ZSWIM4: variants seen among roughly 807,000 people sequenced by gnomAD.
The protein encoded by ZSWIM4 is zinc finger SWIM domain-containing protein 4.
In ZSWIM4, 62 loss-of-function variants were observed where a neutral mutation model predicts 102.5. The ratio of observed to expected loss-of-function variants is 0.60; its 90% CI spans 0.49 to 0.75. ZSWIM4 has a LOEUF of 0.75. Ranked by LOEUF, ZSWIM4 falls within the 30% of genes least tolerant of loss-of-function variation. The pLI is 0.00. For synonymous variants in ZSWIM4, 652 were observed against 674.5 expected (o/e 0.97, Z 0.52); for missense variants, 1,280 against 1,529.6 (o/e 0.84, Z 2.72).
At chr19:13,828,406 T>A (rs1975668606) in intron 12 of ZSWIM4, among the ~76,000 whole-genome samples, 1 of 150,228 alleles carries the variant, frequency 6.7e-6, no homozygotes, top group African/African-American at 2.5e-5. Flanking sequence ...AGATTCCATC[T>A]CAAAAAAAAA....
intron 2 of ZSWIM4, among the ~76,000 whole-genome samples, chr19:13,800,264 TTTTTTTTTTTTTTTTTTTTG>T (rs1974730701): frequency 1.2e-5 from 1 of 80,836 alleles, no homozygotes; most frequent in African/African-American, 6.5e-5. Flanking sequence ...TTTTTTTTTT[TTTTTTTTTTTTTTTTTTTTG>T]AGACGGAGTC....
chr19:13,804,575 A>G (rs1289689581), intron 2 of ZSWIM4, among the ~76,000 whole-genome samples: 1 of 151,864 alleles, frequency 6.6e-6, no homozygotes, highest in East Asian at 1.9e-4. Context: ...TGAACCTGGG[A>G]GGCGGAGGTT....
At chr19:13,826,839 G>C (rs995510791) in intron 12 of ZSWIM4, among the ~76,000 whole-genome samples, 1 of 152,234 alleles carries the variant, frequency 6.6e-6, no homozygotes, top group South Asian at 2.1e-4. Context: ...GCTGAACAAA[G>C]GGTGGTCCTG....
rs1003439481 is a variant in ZSWIM4 at position 13,809,575 on chromosome 19, C to T, written c.1012+355C>T. On this transcript the variant is annotated intron_variant, in intron 5 of 13. Coordinates refer to ENST00000590508, the MANE Select transcript of ZSWIM4 (RefSeq NM_001367834.3). This position sits in a 1 kb window ranked among gnomAD's most constrained non-coding sequence, Gnocchi z 4.2. The stretch of plus-strand genomic sequence containing the variant: ...TCGGCTGACTGCAACCTCTGCCTCC[C>T]GGACTCAAGTGATCCTACACCTCAG... 2.0e-5 allele frequency among the ~76,000 whole-genome samples: 3 copies of T among 152,010 alleles called. No individual in the cohort carries two copies. The highest frequency in any genetic ancestry group is 2.9e-5 in the Non-Finnish European group (2 of 67,996).
intron 1 of ZSWIM4, chr19:13,796,941 G>GA (rs1157157294): frequency 1.3e-5 from 2 of 152,302 alleles, no homozygotes; most frequent in African/African-American, 4.8e-5. Flanking sequence ...TCATGGACTG[G>GA]AAAATCCCTC....
chr19:13,795,852 C>G, intron 1 of ZSWIM4, 51 bp downstream of exon 1: 1 of 1,148,834 alleles, frequency 8.7e-7, no homozygotes, highest in Non-Finnish European at 1.1e-6. Context: ...CAGCACCTTC[C>G]CCACCTGTCT....
intron 9 of ZSWIM4, 80 bp from the exon 10 acceptor site, chr19:13,819,277 A>G: frequency 6.4e-7 from 1 of 1,568,052 alleles, no homozygotes; most frequent in African/African-American, 1.3e-5. Context: ...CCCTCTACTT[A>G]AAGCCTGGGG....
chr19:13,802,817 G>T (rs1360209154), intron 2 of ZSWIM4, among the ~76,000 whole-genome samples: 1 of 152,122 alleles, frequency 6.6e-6, no homozygotes, highest in Non-Finnish European at 1.5e-5. Flanking sequence ...GGGCTCAAGA[G>T]ATCCTCCTGC....
chr19:13,811,389 G>A (rs1269656762), intron 5 of ZSWIM4, among the ~76,000 whole-genome samples: 1 of 152,126 alleles, frequency 6.6e-6, no homozygotes, highest in Non-Finnish European at 1.5e-5. Context: ...GGGAGGCCAG[G>A]TGCAGTGGCT....
chr19:13,830,813 G>T lies in ZSWIM4; in HGVS notation c.3084G>T (p.Pro1028=). Residue 1028 remains proline, a synonymous_variant, in exon 14 of 14, where the codon CCG becomes CCT. Transcript: ENST00000590508. The part of the protein sequence containing the change: ...AAKPLGADRA[P]LCQLLDAAVT... ...AGCCACTGGGTGCCGACCGGGCGCC[G>T]CTCTGCCAGCTCCTGGACGCGGCAG... 6.2e-7 allele frequency: 1 copy of T among 1,604,916 alleles called. No individual in the cohort carries two copies. Among genetic ancestry groups the T allele is most frequent in the Non-Finnish European group, 8.5e-7 (1 of 1,174,558 alleles).
chr19:13,817,587 C>T (rs1975329380), intron 8 of ZSWIM4, 135 bp from the exon 9 acceptor site: 2 of 1,198,660 alleles, frequency 1.7e-6, no homozygotes, highest in Non-Finnish European at 2.3e-6. Flanking sequence ...CTCCCCCAAC[C>T]CCGTGAGTGC....
chr19:13,802,198 G>A (rs1030160169), intron 2 of ZSWIM4, among the ~76,000 whole-genome samples: 7 of 149,812 alleles, frequency 4.7e-5, no homozygotes, highest in African/African-American at 9.8e-5. Flanking sequence ...GGATAGTCTC[G>A]ATCTCCTGAC....
At chr19:13,819,855 T>A (rs1183959425) in intron 10 of ZSWIM4, among the ~76,000 whole-genome samples, 1 of 149,672 alleles carries the variant, frequency 6.7e-6, no homozygotes, top group African/African-American at 2.5e-5. Flanking sequence ...TTGTTTTTTT[T>A]TTTTTTGAGA....
intron 3 of ZSWIM4, among the ~76,000 whole-genome samples, chr19:13,808,494 G>A (rs1046498750): frequency 6.6e-6 from 1 of 152,034 alleles, no homozygotes; most frequent in Non-Finnish European, 1.5e-5. Flanking sequence ...CCAGCACTTT[G>A]GGAGGCCAAG....
chr19:13,806,759 T>G (rs764491817), intron 3 of ZSWIM4, among the ~76,000 whole-genome samples: 3 of 151,514 alleles, frequency 2.0e-5, no homozygotes, highest in Non-Finnish European at 4.4e-5. Flanking sequence ...CTAGTGGAGT[T>G]AAGGTAGACT....
At chr19:13,822,990 A>G (rs906400111) in intron 10 of ZSWIM4, among the ~76,000 whole-genome samples, 1 of 151,922 alleles carries the variant, frequency 6.6e-6, no homozygotes, top group Non-Finnish European at 1.5e-5. Flanking sequence ...AAAAAAAAAA[A>G]AAAGAAAGAA....
chr19:13,815,407 T>G (rs575657740), intron 7 of ZSWIM4: 1 of 150,778 alleles, frequency 6.6e-6, no homozygotes, highest in Non-Finnish European at 1.5e-5. Context: ...CTGCCTGCCT[T>G]GGCCTCCCAA....
Position 13,830,887 on chromosome 19 carries a change from C to G in ZSWIM4, c.3158C>G (p.Pro1053Arg), listed in dbSNP as rs761936907. Residue 1053 changes from proline to arginine, a missense_variant, in exon 14 of 14, where the codon CCG becomes CGG. Pro to Arg is a moderately radical substitution (Grantham distance 103, BLOSUM62 -2). Transcript: ENST00000590508. ...TSHSRLTHIS[P>R]RHYGDFIEFL... ...CACTCGCGCCTCACGCACATCAGCC[C>G]GCGGCACTATGGGGATTTCATCGAA... is the stretch of plus-strand genomic sequence containing the variant. 6.2e-7 allele frequency: 1 copy of G among 1,614,190 alleles called. No individual in the cohort carries two copies. The highest frequency in any genetic ancestry group is 8.5e-7 in the Non-Finnish European group (1 of 1,180,034).
chr19:13,824,065 A>G (rs1422479251), intron 11 of ZSWIM4, among the ~76,000 whole-genome samples: 1 of 146,990 alleles, frequency 6.8e-6, no homozygotes, highest in Non-Finnish European at 1.5e-5. Context: ...GGAGGCTGGG[A>G]GAGAGAGAGA....
Sources: allele counts gnomAD v4.1 joint callset (sites outside exome capture counted in the v4.1 genomes callset), GRCh38; gene constraint gnomAD v4.1.1; non-coding constraint Gnocchi (gnomAD v3.1); transcripts MANE v1.5; gene names NCBI Gene and HGNC (gene_info 2026-07-23, HGNC 2026-07-21).